The following PPM1H variants were observed in gnomAD, a reference collection of about 807,000 sequenced individuals.
PPM1H encodes protein phosphatase 1H.
A neutral mutation model predicts 54.9 loss-of-function variants in PPM1H; 27 were observed. The observed-to-expected ratio is 0.49, with a 90% confidence interval of 0.36 to 0.68. PPM1H has a LOEUF of 0.68. Among genes scored for constraint, PPM1H ranks in the 30% least tolerant of loss-of-function variants. The probability of loss-of-function intolerance (pLI) is 0.00; values close to 1 mark genes in which losing one functional copy is unlikely to be tolerated. For missense variants in PPM1H, 596 were observed against 667.8 expected, an observed-to-expected ratio of 0.89 and a Z score of 1.19; for synonymous variants, 305 against 270.8, an observed-to-expected ratio of 1.13 and a Z score of -1.24.
At chr12:62,779,046 CT>C (rs149921465) in intron 4 of PPM1H, among the ~76,000 whole-genome samples, 2 of 150,770 alleles carry the variant, frequency 1.3e-5, no homozygotes, top group Admixed American at 6.6e-5. Flanking sequence ...TTGTTTTTTG[CT>C]TTTTTTTTGA....
chr12:62,673,036 G>A (rs900916158), intron 8 of PPM1H, among the ~76,000 whole-genome samples: 12 of 152,174 alleles, frequency 7.9e-5, no homozygotes, highest in South Asian at 4.1e-4. Context: ...CTTCCAAATC[G>A]TCAAACAAAT....
At chr12:62,828,385 CG>C (rs1242696675) in intron 2 of PPM1H, among the ~76,000 whole-genome samples, 1 of 152,176 alleles carries the variant, frequency 6.6e-6, no homozygotes, top group Non-Finnish European at 1.5e-5. Flanking sequence ...AACATAGGGC[CG>C]GCTCCCACCT....
At position 62,822,384 on chromosome 12, in the gene PPM1H, G is replaced by A. The variant is rs11532468; in HGVS notation, c.411+9730C>T. On this transcript the variant is annotated intron_variant, in intron 2 of 9. Transcript: ENST00000228705. ...CAACGATATCCAGGACTTGAACTCA[G>A]CTCTGCACCAAGAGGACGTGACAGA... 1.0e-3 allele frequency among the ~76,000 whole-genome samples: 156 copies of A among 152,300 alleles called. 2 individuals carry two copies. The East Asian group carries it at 0.027, about 26-fold the overall frequency.
intron 1 of PPM1H, among the ~76,000 whole-genome samples, chr12:62,892,570 C>T (rs903054872): frequency 6.6e-6 from 1 of 152,212 alleles, no homozygotes. Context: ...ACTTTCTACA[C>T]ATATAAACCC....
chr12:62,675,156 TGA>T (rs933400916), intron 8 of PPM1H, among the ~76,000 whole-genome samples: 24 of 152,222 alleles, frequency 1.6e-4, no homozygotes, highest in Admixed American at 3.9e-4. Context: ...CAGATACTCT[TGA>T]GAGTTTGTTT....
intron 9 of PPM1H, among the ~76,000 whole-genome samples, chr12:62,661,737 A>G (rs1165726298): frequency 6.6e-6 from 1 of 151,940 alleles, no homozygotes; most frequent in East Asian, 1.9e-4. Context: ...CCTTATTTTT[A>G]GAGAGGAAGT....
intron 1 of PPM1H, among the ~76,000 whole-genome samples, chr12:62,847,292 G>A (rs1869009772): frequency 6.6e-6 from 1 of 152,158 alleles, no homozygotes; most frequent in Non-Finnish European, 1.5e-5. Flanking sequence ...GAATATCTGG[G>A]TAACCCCAAT....
chr12:62,922,458 CCT>C (rs1871830183), intron 1 of PPM1H, among the ~76,000 whole-genome samples: 1 of 151,866 alleles, frequency 6.6e-6, no homozygotes, highest in Non-Finnish European at 1.5e-5. Context: ...GGTTCATTTT[CCT>C]CTTTTATTGA....
At chr12:62,903,972 A>G (rs551721723) in intron 1 of PPM1H, among the ~76,000 whole-genome samples, 7 of 152,290 alleles carry the variant, frequency 4.6e-5, no homozygotes, top group African/African-American at 1.7e-4. Context: ...TCACCCTGTA[A>G]TAGCAAATCT....
chr12:62,658,488 A>G (rs941591879), intron 9 of PPM1H, among the ~76,000 whole-genome samples: 1 of 151,438 alleles, frequency 6.6e-6, no homozygotes, highest in African/African-American at 2.4e-5. Context: ...AGACCCCCCC[A>G]CTGAACCTCC....
chr12:62,861,177 T>C (rs1041811584), intron 1 of PPM1H, among the ~76,000 whole-genome samples: 1 of 152,204 alleles, frequency 6.6e-6, no homozygotes, highest in African/African-American at 2.4e-5. Flanking sequence ...ACTAGCAAAA[T>C]AAGCTATGGG....
chr12:62,921,684 G>T (rs571559775), intron 1 of PPM1H, among the ~76,000 whole-genome samples: 42 of 152,302 alleles, frequency 2.8e-4, no homozygotes, highest in African/African-American at 9.4e-4. Context: ...TGCCTGGGAG[G>T]TTCAGGTGGG....
chr12:62,705,891 G>A (rs2076170582), intron 6 of PPM1H, among the ~76,000 whole-genome samples: 1 of 152,200 alleles, frequency 6.6e-6, no homozygotes, highest in Non-Finnish European at 1.5e-5. Context: ...GCTACAAATG[G>A]TGGGGTGAAA....
At chr12:62,743,083 G>A (rs1293804731) in intron 4 of PPM1H, among the ~76,000 whole-genome samples, 2 of 152,176 alleles carry the variant, frequency 1.3e-5, no homozygotes, top group East Asian at 3.8e-4. Context: ...GGGCGCAGTG[G>A]CTCATGTCTG....
At chr12:62,861,061 T>C (rs1869584505) in intron 1 of PPM1H, among the ~76,000 whole-genome samples, 2 of 152,188 alleles carry the variant, frequency 1.3e-5, no homozygotes, top group South Asian at 2.1e-4. Flanking sequence ...CAAAATGTAA[T>C]ACGAGTAAGA....
At chr12:62,854,840 A>G (rs1178201461) in intron 1 of PPM1H, among the ~76,000 whole-genome samples, 2 of 152,186 alleles carry the variant, frequency 1.3e-5, no homozygotes, top group Non-Finnish European at 2.9e-5. Flanking sequence ...AAAACATAAA[A>G]ATAAAAAATT....
intron 9 of PPM1H, among the ~76,000 whole-genome samples, chr12:62,658,445 A>G (rs530161535): frequency 2.0e-5 from 3 of 151,994 alleles, no homozygotes; most frequent in Admixed American, 6.5e-5. Context: ...GAGTGTTTAC[A>G]TATTTGCCTC....
chr12:62,672,111 C>A (rs1397084487), intron 8 of PPM1H, among the ~76,000 whole-genome samples: 1 of 152,120 alleles, frequency 6.6e-6, no homozygotes, highest in African/African-American at 2.4e-5. Context: ...ACTGATTGTT[C>A]CACAGAGATG....
chr12:62,718,883 T>C (rs969615234), intron 6 of PPM1H, among the ~76,000 whole-genome samples: 4 of 152,172 alleles, frequency 2.6e-5, no homozygotes, highest in Non-Finnish European at 2.9e-5. Flanking sequence ...ATAAATCCAT[T>C]CATATTTTAG....
Sources: gnomAD v4.1 joint callset for allele counts (sites outside exome capture counted in the v4.1 genomes callset) on GRCh38, gnomAD v4.1.1 for gene constraint, MANE v1.5 for transcripts, NCBI Gene and HGNC (gene_info 2026-07-23, HGNC 2026-07-21) for gene names.